OXR1: variants seen among roughly 807,000 people sequenced by gnomAD.
OXR1 encodes the protein oxidation resistance protein 1.
OXR1 carries 41 observed loss-of-function variants against 104.6 expected under a neutral mutation model. The observed-to-expected ratio is 0.39, with a 90% CI of 0.31 to 0.51. The LOEUF (loss-of-function observed/expected upper bound fraction) is 0.51. Among genes scored for constraint, OXR1 ranks in the 20% least tolerant of loss-of-function variants. OXR1 has a pLI of 0.77. For missense variants in OXR1, 955 were observed against 1,031.9 expected (o/e 0.93, Z 1.02); for synonymous variants, 348 against 348.4 (o/e 1.00, Z 0.01).
intron 2 of OXR1, among the ~76,000 whole-genome samples, chr8:106,448,979 C>A (rs1430954205): frequency 6.6e-6 from 1 of 151,936 alleles, no homozygotes; most frequent in Non-Finnish European, 1.5e-5. Context: ...TATAGGTGGG[C>A]AGGTAAGAAA....
intron 2 of OXR1, chr8:106,448,067 C>T: frequency 6.5e-7 from 1 of 1,535,648 alleles, no homozygotes. Context: ...GATCTATCAG[C>T]CTCCATCTGT....
chr8:106,600,590 G>T (rs1046476139), intron 3 of OXR1, among the ~76,000 whole-genome samples: 4 of 152,178 alleles, frequency 2.6e-5, no homozygotes, highest in African/African-American at 9.7e-5. Context: ...AGATTGCTCT[G>T]ACCAACAAGG....
At chr8:106,707,200 C>G (rs1337980963) in intron 9 of OXR1, 55 bp downstream of exon 9, 2 of 1,532,196 alleles carry the variant, frequency 1.3e-6, no homozygotes, top group Non-Finnish European at 1.8e-6. Context: ...GTGTCTCCGT[C>G]TTTCCTCACT....
intron 2 of OXR1, among the ~76,000 whole-genome samples, chr8:106,510,346 G>T (rs1812442080): frequency 6.6e-6 from 1 of 152,136 alleles, no homozygotes; most frequent in Non-Finnish European, 1.5e-5. Flanking sequence ...CATGAATGTA[G>T]TAATTAAGTT....
chr8:106,728,062 T>G (rs1288725996), intron 11 of OXR1, among the ~76,000 whole-genome samples: 69 of 151,946 alleles, frequency 4.5e-4, no homozygotes, highest in Admixed American at 4.5e-3. Context: ...TTTCTAGTTG[T>G]TTTCTTTGTT....
intron 10 of OXR1, among the ~76,000 whole-genome samples, chr8:106,713,181 T>C (rs113862599): frequency 1.2e-4 from 18 of 152,090 alleles, no homozygotes; most frequent in African/African-American, 2.9e-4. Context: ...AGCTGAAAGT[T>C]ATATAATCAA....
In OXR1 at chr8:106,702,891, C is replaced by G; in HGVS notation, c.676-15C>G. 1 of 1,588,822 alleles carries G rather than the reference C, an allele frequency of 6.3e-7. No individual in the cohort carries two copies. Among genetic ancestry groups the G allele is most frequent in the Non-Finnish European group, 8.6e-7 (1 of 1,165,536 alleles). ...AACCTTGAGGATTAAATGTTACTTT[C>G]TTTTTTCACCTTAGGGCACAGTCAG... is the stretch of plus-strand genomic sequence containing the variant. On this transcript the variant is annotated splice_polypyrimidine_tract_variant and intron_variant, in intron 7 of 16. Coordinates refer to ENST00000517566, the MANE Select transcript of OXR1 (RefSeq NM_001198533.2).
chr8:106,494,009 A>T (rs565840202), intron 2 of OXR1, among the ~76,000 whole-genome samples: 2 of 152,230 alleles, frequency 1.3e-5, no homozygotes, highest in African/African-American at 2.4e-5. Context: ...CCTACCTTGC[A>T]TAGTCATTAT....
intron 1 of OXR1, among the ~76,000 whole-genome samples, chr8:106,308,165 A>C (rs138285700): frequency 6.6e-6 from 1 of 152,262 alleles, no homozygotes; most frequent in Non-Finnish European, 1.5e-5. Flanking sequence ...AGAGGGCCTG[A>C]GGACCATGGG....
intron 6 of OXR1, among the ~76,000 whole-genome samples, chr8:106,690,095 CT>C (rs922277488): frequency 6.6e-6 from 1 of 150,540 alleles, no homozygotes; most frequent in Non-Finnish European, 1.5e-5. Context: ...TGTTTTATCT[CT>C]TTTATAGAAT....
chr8:106,422,783 G>A (rs73307142), intron 2 of OXR1, among the ~76,000 whole-genome samples: 3,710 of 152,254 alleles, frequency 0.024, 146 homozygotes, highest in African/African-American at 0.083. Context: ...TAAGGTCACA[G>A]TCAGTTGTAG....
At chr8:106,564,827 A>G (rs1364319224) in intron 3 of OXR1, among the ~76,000 whole-genome samples, 2 of 152,230 alleles carry the variant, frequency 1.3e-5, no homozygotes, top group Non-Finnish European at 1.5e-5. Context: ...CTGGTTCAAC[A>G]TAAGCAAATC....
At chr8:106,598,091 A>G (rs922321756) in intron 3 of OXR1, among the ~76,000 whole-genome samples, 4 of 152,170 alleles carry the variant, frequency 2.6e-5, no homozygotes, top group African/African-American at 4.8e-5. Flanking sequence ...CCTGGCCACT[A>G]TAGTTTCTCT....
At chr8:106,676,126 T>C (rs1182415520) in intron 3 of OXR1, among the ~76,000 whole-genome samples, 3 of 152,206 alleles carry the variant, frequency 2.0e-5, no homozygotes, top group Non-Finnish European at 2.9e-5. Context: ...GAAACTAGAA[T>C]TGCAACCTCT....
rs545572893 is a variant in OXR1 at position 106,751,433 on chromosome 8, C to A, written c.*492C>A. The A allele has an allele frequency of 6.6e-6, 1 of 152,616 alleles. No homozygotes were observed. Among genetic ancestry groups the A allele is most frequent in the African/African-American group, 2.4e-5 (1 of 41,430 alleles). The allele number at this position is 152,616 out of a possible 1,614,324, so 9.5% of individuals were successfully genotyped here. ...TCTTAGGAAGGAAAAAATCACTTGC[C>A]AAAATAATACATACTTCATAGACCA... On this transcript the variant is annotated 3_prime_UTR_variant, in exon 17 of 17. Coordinates refer to ENST00000517566, the MANE Select transcript of OXR1 (RefSeq NM_001198533.2).
chr8:106,629,396 G>C (rs1822475965), intron 3 of OXR1, among the ~76,000 whole-genome samples: 1 of 152,152 alleles, frequency 6.6e-6, no homozygotes. Context: ...TGGTCACCAA[G>C]TGAGTCAGTG....
chr8:106,651,358 CT>C (rs1448556393), intron 3 of OXR1, among the ~76,000 whole-genome samples: 1 of 152,088 alleles, frequency 6.6e-6, no homozygotes, highest in Non-Finnish European at 1.5e-5. Context: ...GAAGATTCAC[CT>C]TATGTTTTCT....
intron 3 of OXR1, among the ~76,000 whole-genome samples, chr8:106,606,840 C>G (rs912296856): frequency 6.6e-6 from 1 of 152,072 alleles, no homozygotes; most frequent in Non-Finnish European, 1.5e-5. Context: ...ATTCTGCCTA[C>G]CTTGTTGGAG....
At chr8:106,721,964 T>G (rs1017052989) in intron 11 of OXR1, among the ~76,000 whole-genome samples, 6 of 152,140 alleles carry the variant, frequency 3.9e-5, no homozygotes, top group Non-Finnish European at 2.9e-5. Context: ...AGAGTTATGG[T>G]CAGGATCATT....
Sources: allele counts gnomAD v4.1 joint callset (sites outside exome capture counted in the v4.1 genomes callset), GRCh38; gene constraint gnomAD v4.1.1; transcripts MANE v1.5; gene names NCBI Gene and HGNC (gene_info 2026-07-23, HGNC 2026-07-21).